Variants in UBFD1 observed in about 807,000 individuals in gnomAD.
UBFD1 encodes ubiquitin family domain containing 1.
Under a neutral mutation model 35.1 loss-of-function variants are expected in UBFD1, and 12 were observed. The observed-to-expected ratio is 0.34, with a 90% confidence interval of 0.22 to 0.55. UBFD1 has a LOEUF of 0.55. Ranked by LOEUF, UBFD1 falls within the 20% of genes least tolerant of loss-of-function variation. The pLI is 0.89. For missense variants in UBFD1, 337 were observed against 410.8 expected (o/e 0.82, Z 1.55); for synonymous variants, 178 against 167.6 (o/e 1.06, Z -0.48).
chr16:23,560,815 G>T (rs144623812), intron 3 of UBFD1, among the ~76,000 whole-genome samples: 1 of 152,140 alleles, frequency 6.6e-6, no homozygotes, highest in Non-Finnish European at 1.5e-5. Context: ...TATCTAAAAG[G>T]TGTTGATTTG....
chr16:23,560,661 C>T (rs1350202432), intron 3 of UBFD1, among the ~76,000 whole-genome samples: 2 of 152,052 alleles, frequency 1.3e-5, no homozygotes, highest in African/African-American at 4.8e-5. Context: ...GTGAATTTTC[C>T]TCTTTGGTGA....
At chr16:23,562,366 G>GTTTT in intron 4 of UBFD1, 95 bp downstream of exon 4, 6 of 934,648 alleles carry the variant, frequency 6.4e-6, no homozygotes, top group South Asian at 1.8e-5. Flanking sequence ...TTTTTTCCCT[G>GTTTT]TTTTTTTTTT....
Position 23,558,188 on chromosome 16 carries a change from G to A in UBFD1, c.264G>A (p.Leu88=). Residue 88 remains leucine (L), a synonymous_variant, in exon 2 of 7, where the codon TTG becomes TTA. Coordinates refer to ENST00000395878, the MANE Select transcript of UBFD1 (RefSeq NM_019116.3). The part of the protein sequence containing the change: ...GGGAGRELVD[L]KIIWNKTKHD... ...GCGCGGGCAGGGAGCTGGTGGACTT[G>A]AAGATCATCTGGAATAAGACCAAGC... 6.2e-7 allele frequency: 1 copy of A among 1,608,424 alleles called. No individual in the cohort carries two copies. The highest frequency in any genetic ancestry group is 2.3e-5 in the East Asian group (1 of 44,170).
In UBFD1 at chr16:23,573,258, T is replaced by C. The variant is rs981826017; in HGVS notation, c.*2668T>C. The C allele has an allele frequency of 6.6e-6, 1 of 152,198 alleles. No homozygotes were observed. Among genetic ancestry groups the C allele is most frequent in the African/African-American group, 2.4e-5 (1 of 41,434 alleles). 9.4% of individuals were successfully genotyped at this position (152,198 alleles called of 1,614,324 possible). On this transcript the variant is annotated 3_prime_UTR_variant, in exon 7 of 7. Transcript: ENST00000395878. ...TTCCGGAGAGTGACTGTAACAGCGT[T>C]GACTCGAAGCTAGAGATGGAGGGGG...
At chr16:23,564,263 T>C (rs552443221) in intron 5 of UBFD1, among the ~76,000 whole-genome samples, 1 of 152,294 alleles carries the variant, frequency 6.6e-6, no homozygotes, top group African/African-American at 2.4e-5. Context: ...TTTAATCATC[T>C]AAAACACAAA....
chr16:23,566,642 G>T (rs578216066), intron 5 of UBFD1: 2 of 184,402 alleles, frequency 1.1e-5, no homozygotes, highest in South Asian at 2.4e-4. Context: ...AAGATGTTAG[G>T]ATTACAGGCT....
intron 3 of UBFD1, chr16:23,560,019 A>T: frequency 1.1e-5 from 4 of 359,268 alleles, no homozygotes; most frequent in Non-Finnish European, 1.6e-5. Context: ...CTCATTTTGT[A>T]CAAGTGCTTA....
At chr16:23,559,997 T>C in intron 3 of UBFD1, 1 of 920,384 alleles carries the variant, frequency 1.1e-6, no homozygotes, top group South Asian at 1.9e-5. Context: ...CTACCAGTAC[T>C]AGAAGTAAGC....
rs1239739287 is a variant in UBFD1, at chr16:23,565,573, C to T, written c.737-1414C>T. On this transcript the variant is annotated intron_variant, in intron 5 of 6. Coordinates refer to ENST00000395878, the MANE Select transcript of UBFD1 (RefSeq NM_019116.3). Reference sequence around the variant, plus strand: ...TCTTAAAGACAGCTGCTGCCCAGGTCCTGCTTTAGGGCCGACTGTTGTAGA... The same window carrying T: ...TCTTAAAGACAGCTGCTGCCCAGGTTCTGCTTTAGGGCCGACTGTTGTAGA... The T allele has an allele frequency of 3.3e-5, 5 of 152,238 alleles. No homozygotes were observed. The East Asian group carries it at 7.7e-4, about 23-fold the overall frequency. 9.4% of individuals were successfully genotyped at this position (152,238 alleles called of 1,614,324 possible).
At chr16:23,559,963 T>A in intron 3 of UBFD1, 1 of 1,259,034 alleles carries the variant, frequency 7.9e-7, no homozygotes, top group Non-Finnish European at 1.1e-6. Context: ...TGGGTTTCTC[T>A]CTCTTATTTA....
chr16:23,563,768 AT>A (rs1965972432), intron 5 of UBFD1, among the ~76,000 whole-genome samples: 1 of 152,062 alleles, frequency 6.6e-6, no homozygotes, highest in Non-Finnish European at 1.5e-5. Flanking sequence ...TCCCCTGTGT[AT>A]TTTAGCCGCA....
intron 4 of UBFD1, among the ~76,000 whole-genome samples, 169 bp from the exon 5 acceptor site, chr16:23,562,456 C>T (rs570137677): frequency 1.5e-3 from 229 of 151,732 alleles, no homozygotes; most frequent in African/African-American, 4.5e-3. Flanking sequence ...TTAGTAGAGA[C>T]GGGGTTTTAC....
chr16:23,573,257 T>C lies in UBFD1; in HGVS notation c.*2667T>C, dbSNP rs1470056518. On this transcript the variant is annotated 3_prime_UTR_variant, in exon 7 of 7. Transcript: ENST00000395878. ...TTTCCGGAGAGTGACTGTAACAGCG[T>C]TGACTCGAAGCTAGAGATGGAGGGG... 2.6e-5 allele frequency: 4 copies of C among 152,216 alleles called. No homozygotes were observed. Among genetic ancestry groups the C allele is most frequent in the African/African-American group, 9.7e-5 (4 of 41,438 alleles). 9.4% of individuals were successfully genotyped at this position (152,216 alleles called of 1,614,324 possible).
Position 23,561,910 on chromosome 16 carries a change from C to T in UBFD1, c.565-296C>T, listed in dbSNP as rs1328450065. On this transcript the variant is annotated intron_variant, in intron 3 of 6. Coordinates refer to ENST00000395878, the MANE Select transcript of UBFD1 (RefSeq NM_019116.3). ...TGATATCTAATATGGTAGCTATCCA[C>T]ATGTGGCTGGTTAAAATGAAATTAA... is the stretch of plus-strand genomic sequence containing the variant. 3 of 280,068 alleles carry T rather than the reference C, an allele frequency of 1.1e-5. No homozygotes were observed. In the East Asian group the frequency reaches 1.9e-4, roughly 17 times the overall value. 17.3% of individuals were successfully genotyped at this position (280,068 alleles called of 1,614,324 possible).
At position 23,559,691 on chromosome 16, in the gene UBFD1, T is replaced by C; in HGVS notation, c.564+15T>C. The C allele has an allele frequency of 1.2e-6, 2 of 1,614,100 alleles. No homozygotes were observed. The highest frequency in any genetic ancestry group is 1.6e-4 in the Middle Eastern group (1 of 6,062). ...GCAGGCAGAAAGTGAGTCCATCTTG[T>C]GCTTCTTGGTCTTGAGAAATTTGAG... is the stretch of plus-strand genomic sequence containing the variant. On this transcript the variant is annotated intron_variant, in intron 3 of 6. Transcript: ENST00000395878.
At chr16:23,562,926 A>G (rs1011019774) in intron 5 of UBFD1, among the ~76,000 whole-genome samples, 196 bp downstream of exon 5, 9 of 151,990 alleles carry the variant, frequency 5.9e-5, no homozygotes, top group Non-Finnish European at 1.2e-4. Flanking sequence ...TTTCAGTCTG[A>G]TCTTAGGGCT....
intron 3 of UBFD1, chr16:23,559,958 TTC>T (rs1039292059): frequency 2.3e-6 from 3 of 1,285,762 alleles, no homozygotes; most frequent in Admixed American, 5.4e-5. Context: ...AGACGTGGGT[TTC>T]TCTCTCTTAT....
chr16:23,570,496 C>T lies in UBFD1; in HGVS notation c.836C>T (p.Pro279Leu). The T allele has an allele frequency of 1.2e-6, 2 of 1,613,966 alleles. No homozygotes were observed. Among genetic ancestry groups the T allele is most frequent in the Non-Finnish European group, 1.7e-6 (2 of 1,179,934 alleles). The change falls in exon 7 of 7, where the codon CCC becomes CTC. Residue 279 changes from proline to leucine, a missense_variant. Pro to Leu is a moderately conservative substitution (Grantham distance 98). Transcript: ENST00000395878. ...CCCTTCCAGGCGTTTCAGTTGGGCC[C>T]CACGGAAGCCTCTTACTACTGGGTG... ...DYHMMAFQLG[P>L]TEASYYWVYW...
In UBFD1 at chr16:23,558,158, C is replaced by A; in HGVS notation, c.234C>A (p.Gly78=). ...QASVSNGEDA[G]GGAGRELVDL... The stretch of plus-strand genomic sequence containing the variant: ...CGGTCAGCAACGGCGAAGACGCGGG[C>A]GGCGGCGCGGGCAGGGAGCTGGTGG... Residue 78 remains glycine (G), a synonymous_variant, in exon 2 of 7, where the codon GGC becomes GGA. Transcript: ENST00000395878. The A allele has an allele frequency of 6.2e-7, 1 of 1,605,104 alleles. No homozygotes were observed. Among genetic ancestry groups the A allele is most frequent in the Non-Finnish European group, 8.5e-7 (1 of 1,176,652 alleles).
Sources: allele counts gnomAD v4.1 joint callset (sites outside exome capture counted in the v4.1 genomes callset), GRCh38; gene constraint gnomAD v4.1.1; transcripts MANE v1.5; gene names NCBI Gene and HGNC (gene_info 2026-07-23, HGNC 2026-07-21).